The following DAB1 variants were observed in gnomAD, a reference collection of about 807,000 sequenced individuals.
DAB1 encodes the protein disabled homolog 1.
DAB1 carries 15 observed loss-of-function variants against 64.6 expected under a neutral mutation model. That is an observed-to-expected ratio of 0.23 (90% CI 0.16 to 0.36). The LOEUF (loss-of-function observed/expected upper bound fraction) is 0.36, where lower values mean the gene tolerates loss of function less well. DAB1 is among the 10% of genes least tolerant of loss of function. The pLI, the probability that DAB1 is intolerant of heterozygous loss-of-function variation, is 1.00. For missense variants in DAB1, 596 were observed against 706.7 expected (o/e 0.84, Z 1.78); for synonymous variants, 235 against 251.9 (o/e 0.93, Z 0.64).
chr1:57,449,046 C>A (rs1686252470), intron 7 of DAB1, among the ~76,000 whole-genome samples: 1 of 152,122 alleles, frequency 6.6e-6, no homozygotes, highest in Non-Finnish European at 1.5e-5. Context: ...AGTAAACACT[C>A]ACCCCATCTC....
rs1427183761 is a variant in DAB1, at chr1:57,411,976, CCAT to C, written c.-137+11951_-137+11953del. ...AACCCTGCATCAAACAAGTCTATCA[CCAT>C]CATTTTCCAACAGCAGGTGCTCACT... On this transcript the variant is annotated intron_variant, in intron 1 of 14. Coordinates refer to ENST00000371236, the MANE Select transcript of DAB1 (RefSeq NM_001365792.1). Among the ~76,000 whole-genome samples, 3 of 152,342 alleles carry C rather than the reference CCAT, an allele frequency of 2.0e-5. No individual in the cohort carries two copies. The East Asian group carries it at 5.8e-4, about 29-fold the overall frequency.
At chr1:57,397,582 C>T (rs1473672828) in intron 1 of DAB1, among the ~76,000 whole-genome samples, 1 of 152,204 alleles carries the variant, frequency 6.6e-6, no homozygotes, top group African/African-American at 2.4e-5. Context: ...CACGTCCACA[C>T]AGTCACTGCC....
intron 4 of DAB1, among the ~76,000 whole-genome samples, chr1:58,155,627 T>A (rs1655181995): frequency 6.6e-6 from 1 of 152,136 alleles, no homozygotes; most frequent in African/African-American, 2.4e-5. Flanking sequence ...AGGATAGGGT[T>A]GTAGCTAAGT....
At chr1:57,246,477 G>C (rs1668885004) in intron 2 of DAB1, among the ~76,000 whole-genome samples, 1 of 152,238 alleles carries the variant, frequency 6.6e-6, no homozygotes, top group Non-Finnish European at 1.5e-5. Flanking sequence ...AGGATGTATA[G>C]AAATGCCTGG....
intron 3 of DAB1, among the ~76,000 whole-genome samples, chr1:58,458,374 T>C (rs1645211132): frequency 6.6e-6 from 1 of 152,174 alleles, no homozygotes; most frequent in South Asian, 2.1e-4. Flanking sequence ...TGTTTCCCCA[T>C]TTTAGAGAGG....
chr1:57,671,150 A>G (rs547785712), intron 6 of DAB1, among the ~76,000 whole-genome samples: 71 of 152,268 alleles, frequency 4.7e-4, no homozygotes, highest in Admixed American at 1.0e-3. Context: ...TGTGGAATCC[A>G]CAGATACAGA....
At chr1:57,504,591 T>A (rs72913149) in intron 7 of DAB1, among the ~76,000 whole-genome samples, 190 of 152,356 alleles carry the variant, frequency 1.2e-3, no homozygotes, top group African/African-American at 4.2e-3. Flanking sequence ...AACTCTCCTG[T>A]GCAGAAGAAT....
chr1:57,723,545 G>A (rs997120834), intron 6 of DAB1, among the ~76,000 whole-genome samples: 6 of 152,228 alleles, frequency 3.9e-5, no homozygotes, highest in African/African-American at 1.4e-4. Context: ...AGCTTGGCTA[G>A]TGCAAAGCTT....
chr1:58,218,072 A>G (rs1483885240), intron 4 of DAB1, among the ~76,000 whole-genome samples: 1 of 152,176 alleles, frequency 6.6e-6, no homozygotes, highest in Non-Finnish European at 1.5e-5. Flanking sequence ...TACACTGTGC[A>G]GAGTACTGGT....
chr1:58,300,652 GGA>G lies in DAB1; in HGVS notation n.309+42698_309+42699del, dbSNP rs1557726381. Among the ~76,000 whole-genome samples, 597 of 84,426 alleles carry G rather than the reference GGA, an allele frequency of 7.1e-3. 19 individuals carry two copies. The highest frequency in any genetic ancestry group is 0.029 in the African/African-American group (536 of 18,552). The allele number at this position is 84,426 out of a possible 152,430, so 55.4% of individuals were successfully genotyped here. On this transcript the variant is annotated intron_variant and non_coding_transcript_variant, in intron 4 of 20. Coordinates refer to the DAB1 transcript ENST00000485760. ...AGAGAGAGAGAGAGAGAGAGAGGAA[GGA>G]AGGAAGGAAGGAAGGAAGGAAGGAA...
At chr1:57,194,602 C>T (rs1045207940) in intron 2 of DAB1, among the ~76,000 whole-genome samples, 1 of 152,142 alleles carries the variant, frequency 6.6e-6, no homozygotes, top group Non-Finnish European at 1.5e-5. Context: ...AAACAAAATC[C>T]ATTAACACCT....
chr1:57,511,204 T>C (rs929650758), intron 7 of DAB1, among the ~76,000 whole-genome samples: 1 of 152,168 alleles, frequency 6.6e-6, no homozygotes, highest in African/African-American at 2.4e-5. Context: ...ATTGTGCCCC[T>C]TCCATGCATG....
chr1:58,266,503 C>A (rs1189740600), intron 4 of DAB1, among the ~76,000 whole-genome samples: 4 of 152,190 alleles, frequency 2.6e-5, no homozygotes, highest in Non-Finnish European at 4.4e-5. Flanking sequence ...TCTGGTAAGT[C>A]CCTTTCTCCC....
At chr1:57,854,108 A>G (rs1456623459) in intron 1 of DAB1, among the ~76,000 whole-genome samples, 1 of 152,212 alleles carries the variant, frequency 6.6e-6, no homozygotes, top group Admixed American at 6.5e-5. Flanking sequence ...AAAAAATTTA[A>G]ATGATACTGG....
At chr1:57,865,482 A>G (rs1654255813) in intron 1 of DAB1, among the ~76,000 whole-genome samples, 1 of 151,996 alleles carries the variant, frequency 6.6e-6, no homozygotes, top group Non-Finnish European at 1.5e-5. Context: ...CCAACTTCAA[A>G]TCATGCCATT....
intron 3 of DAB1, among the ~76,000 whole-genome samples, chr1:58,354,403 G>T (rs868159288): frequency 6.6e-6 from 1 of 152,074 alleles, no homozygotes; most frequent in Non-Finnish European, 1.5e-5. Flanking sequence ...ACCTTCTCTC[G>T]TAGCATTTAA....
intron 7 of DAB1, among the ~76,000 whole-genome samples, chr1:57,580,930 T>A (rs550677235): frequency 6.6e-6 from 1 of 152,232 alleles, no homozygotes; most frequent in Non-Finnish European, 1.5e-5. Flanking sequence ...CCTGGCTGAG[T>A]TCAGATAAGG....
At chr1:57,050,126 G>A (rs568523603) in intron 9 of DAB1, among the ~76,000 whole-genome samples, 1 of 152,054 alleles carries the variant, frequency 6.6e-6, no homozygotes, top group Admixed American at 6.5e-5. Flanking sequence ...CCCTTGTTTG[G>A]TTTTTCCGCT....
At chr1:57,687,428 T>C (rs1260301248) in intron 6 of DAB1, among the ~76,000 whole-genome samples, 1 of 151,950 alleles carries the variant, frequency 6.6e-6, no homozygotes, top group Non-Finnish European at 1.5e-5. Flanking sequence ...TGCTCATGAA[T>C]TGGAAGAATT....
Sources: gnomAD v4.1 joint callset for allele counts (sites outside exome capture counted in the v4.1 genomes callset) on GRCh38, gnomAD v4.1.1 for gene constraint, MANE v1.5 for transcripts, NCBI Gene and HGNC (gene_info 2026-07-23, HGNC 2026-07-21) for gene names.